The following TCTN1 variants were observed in gnomAD, a reference collection of about 807,000 sequenced individuals.
The protein encoded by TCTN1 is tectonic family member 1.
A neutral mutation model predicts 65.8 loss-of-function variants in TCTN1; 58 were observed. The ratio of observed to expected loss-of-function variants is 0.88; its 90% CI spans 0.71 to 1.10. The LOEUF (loss-of-function observed/expected upper bound fraction) is 1.10. Among genes scored for constraint, TCTN1 ranks in the 50% least tolerant of loss-of-function variants. TCTN1 has a pLI of 0.00. For synonymous variants in TCTN1, 273 were observed against 289.1 expected, an observed-to-expected ratio of 0.94 and a Z score of 0.57; for missense variants, 645 against 719.4, an observed-to-expected ratio of 0.90 and a Z score of 1.18.
intron 5 of TCTN1, among the ~76,000 whole-genome samples, chr12:110,633,986 T>C (rs1304370951): frequency 6.6e-6 from 1 of 152,192 alleles, no homozygotes; most frequent in Non-Finnish European, 1.5e-5. Flanking sequence ...TAAGTGTTCA[T>C]TAATAGGGAA....
At chr12:110,620,283 C>T (rs1260319740) in intron 2 of TCTN1, among the ~76,000 whole-genome samples, 1 of 152,054 alleles carries the variant, frequency 6.6e-6, no homozygotes, top group Non-Finnish European at 1.5e-5. Flanking sequence ...TGGCGGGCAC[C>T]TGTGGTCCCA....
At position 110,640,287 on chromosome 12, in the gene TCTN1, C is replaced by A; in HGVS notation, c.844-96C>A. On this transcript the variant is annotated intron_variant, in intron 7 of 14. Transcript: ENST00000397659. This position sits in a 1 kb window ranked among gnomAD's most constrained non-coding sequence, Gnocchi z 4.9. ...TGTAGCATGCTTCCCCCTACTTGGCCATATATCAGGGGAGGTTTCTTTCCA... is the reference window on the plus strand; with the variant it reads ...TGTAGCATGCTTCCCCCTACTTGGCAATATATCAGGGGAGGTTTCTTTCCA... 1 of 1,485,462 alleles carries A rather than the reference C, an allele frequency of 6.7e-7. No individual in the cohort carries two copies. Among genetic ancestry groups the A allele is most frequent in the Middle Eastern group, 1.7e-4 (1 of 5,850 alleles). The allele number at this position is 1,485,462 out of a possible 1,614,324, so 92.0% of individuals were successfully genotyped here. A position where few individuals can be genotyped will look rare whatever the true frequency, so the allele number is the denominator to read the frequency against.
intron 2 of TCTN1, among the ~76,000 whole-genome samples, chr12:110,621,053 C>A (rs1167804640): frequency 2.6e-5 from 4 of 152,184 alleles, no homozygotes; most frequent in Non-Finnish European, 5.9e-5. Flanking sequence ...GATCCGCCCT[C>A]CTTGGCCTCC....
Position 110,641,101 on chromosome 12 carries a change from C to A in TCTN1, c.1056C>A (p.Ser352Arg), listed in dbSNP as rs759988739. The change falls in exon 9 of 15, where the codon AGC (serine) becomes AGA (arginine). Residue 352 changes from serine to arginine, a missense_variant. By Grantham distance (110) the Ser-to-Arg change is moderately radical (BLOSUM62 -1). Coordinates refer to ENST00000397659, the MANE Select transcript of TCTN1 (RefSeq NM_001082538.3). ...TCTCATTCGTTCTGGGGACAGTTAG[C>A]AGCGTAGTGGTCCCACTGCAGCAAA... ...ADLSFVLGTVSSVVVPLQQKF... is the reference protein window; with the variant it reads ...ADLSFVLGTVRSVVVPLQQKF... 55 of 1,614,120 alleles carry A rather than the reference C, an allele frequency of 3.4e-5. No homozygotes were observed. The highest frequency in any genetic ancestry group is 4.3e-5 in the Non-Finnish European group (51 of 1,180,054).
chr12:110,638,654 C>T (rs1207607370), intron 7 of TCTN1, among the ~76,000 whole-genome samples: 3 of 152,314 alleles, frequency 2.0e-5, no homozygotes, highest in South Asian at 2.1e-4. Context: ...GAGACGAGGG[C>T]AGCTCCTGCC....
At chr12:110,634,362 T>C (rs1327298469) in intron 5 of TCTN1, 3 of 466,738 alleles carry the variant, frequency 6.4e-6, no homozygotes, top group African/African-American at 5.9e-5. Context: ...CTCATGAATG[T>C]ATTCTTTTTG....
chr12:110,632,361 T>C lies in TCTN1; in HGVS notation c.625-111T>C, dbSNP rs2066291101. 5.5e-6 allele frequency: 6 copies of C among 1,087,370 alleles called. No individual in the cohort carries two copies. The South Asian group carries it at 6.3e-5, about 11-fold the overall frequency. 67.4% of individuals were successfully genotyped at this position (1,087,370 alleles called of 1,614,324 possible). ...AAGGACCACATCTGTTTTTTGCTCA[T>C]CAGTGTGTCTCTGATGCCTGCAGTG... On this transcript the variant is annotated intron_variant, in intron 4 of 14. Coordinates refer to ENST00000397659, the MANE Select transcript of TCTN1 (RefSeq NM_001082538.3).
chr12:110,643,128 C>T (rs1244274457), intron 11 of TCTN1, among the ~76,000 whole-genome samples: 1 of 150,144 alleles, frequency 6.7e-6, no homozygotes, highest in East Asian at 2.0e-4. Context: ...ATGTTGAACT[C>T]CTGGGCTCAA....
Position 110,649,342 on chromosome 12 carries a change from G to A in TCTN1, c.*301G>A. On this transcript the variant is annotated 3_prime_UTR_variant, in exon 15 of 15. Coordinates refer to ENST00000397659, the MANE Select transcript of TCTN1 (RefSeq NM_001082538.3). Reference sequence around the variant, plus strand: ...CTCACCAAGCGGCCCAGGAGGGGCAGCTGTTCCTCTCGTGACAGCACAGGC... The same window carrying A: ...CTCACCAAGCGGCCCAGGAGGGGCAACTGTTCCTCTCGTGACAGCACAGGC... The A allele has an allele frequency of 3.8e-6, 5 of 1,313,788 alleles. No homozygotes were observed. In the South Asian group the frequency reaches 6.1e-5, roughly 16 times the overall value. The allele number at this position is 1,313,788 out of a possible 1,614,324, so 81.4% of individuals were successfully genotyped here.
At position 110,640,592 on chromosome 12, in the gene TCTN1, G is replaced by A. The variant is rs544968079; in HGVS notation, c.978+75G>A. Reference sequence around the variant, plus strand: ...TCTTGTTGCGCCGGGGTAACTGGACGCCCTCCGAGGACGCTCTGTCCCAGC... The same window carrying A: ...TCTTGTTGCGCCGGGGTAACTGGACACCCTCCGAGGACGCTCTGTCCCAGC... On this transcript the variant is annotated intron_variant, in intron 8 of 14. Transcript: ENST00000397659. The surrounding 1 kb of genome is among the most constrained non-coding windows in gnomAD (Gnocchi z 4.9). 6.9e-6 allele frequency: 11 copies of A among 1,605,278 alleles called. No individual in the cohort carries two copies. The highest frequency in any genetic ancestry group is 4.5e-5 in the East Asian group (2 of 44,826).
rs1487251611 is a variant in TCTN1, at chr12:110,628,598, C to T, written c.473-169C>T. 2.6e-5 allele frequency among the ~76,000 whole-genome samples: 4 copies of T among 152,188 alleles called. No homozygotes were observed. In the East Asian group the frequency reaches 7.7e-4, roughly 29 times the overall value. ...TCAGGCAGTCCGCCCGCCTTGGCCTCCCAAAGTGTTGAGATTACAGGCGTG... is the reference window on the plus strand; with the variant it reads ...TCAGGCAGTCCGCCCGCCTTGGCCTTCCAAAGTGTTGAGATTACAGGCGTG... On this transcript the variant is annotated intron_variant, in intron 3 of 14. Transcript: ENST00000397659.
intron 12 of TCTN1, chr12:110,646,342 C>T (rs919509597): frequency 1.3e-5 from 2 of 151,996 alleles, no homozygotes; most frequent in African/African-American, 2.4e-5. Flanking sequence ...TTCGCAGCCA[C>T]CAAATTTAGC....
At chr12:110,622,556 C>A (rs1434366802) in intron 2 of TCTN1, among the ~76,000 whole-genome samples, 1 of 152,074 alleles carries the variant, frequency 6.6e-6, no homozygotes, top group African/African-American at 2.4e-5. Context: ...CTGAAGGACA[C>A]GTGGAAGATG....
intron 5 of TCTN1, among the ~76,000 whole-genome samples, chr12:110,633,394 C>T (rs771611711): frequency 7.4e-4 from 113 of 152,208 alleles, no homozygotes; most frequent in Non-Finnish European, 1.4e-3. Flanking sequence ...GTAATCCCAG[C>T]ACTTTGGGAG....
chr12:110,647,056 C>A (rs890239649), intron 12 of TCTN1, 140 bp from the exon 13 acceptor site: 1 of 976,484 alleles, frequency 1.0e-6, no homozygotes, highest in African/African-American at 1.6e-5. Context: ...ATTCTCTAAG[C>A]TGTTTTTATC....
intron 10 of TCTN1, 126 bp from the exon 11 acceptor site, chr12:110,642,123 C>T (rs1468498787): frequency 1.5e-6 from 2 of 1,297,466 alleles, no homozygotes; most frequent in Non-Finnish European, 2.2e-6. Flanking sequence ...AAATAGCTGT[C>T]AAAATCCCAG....
chr12:110,641,354 T>TATGTAAA, intron 9 of TCTN1, among the ~76,000 whole-genome samples, 188 bp from the exon 10 acceptor site: 1 of 152,184 alleles, frequency 6.6e-6, no homozygotes, highest in African/African-American at 2.4e-5. Context: ...CCTTCCACAT[T>TATGTAAA]AGCTTGTTCT....
rs771495390 is a variant in TCTN1, at chr12:110,634,759, A to G, written c.802A>G (p.Ser268Gly). 7.5e-6 allele frequency: 12 copies of G among 1,610,638 alleles called. No individual in the cohort carries two copies. In the South Asian group the frequency reaches 1.2e-4, roughly 16 times the overall value. The change falls in exon 6 of 15, where the codon AGC (serine) becomes GGC (glycine). Residue 268 changes from serine (S) to glycine (G), a missense_variant. Ser to Gly is a moderately conservative substitution (Grantham distance 56, BLOSUM62 0). Transcript: ENST00000397659. Reference sequence around the variant, plus strand: ...TGAAGCCCTCAGCATGGCTTTTTACAGCAGCCCGGAAATTCTGAGGGTAAG... The same window carrying G: ...TGAAGCCCTCAGCATGGCTTTTTACGGCAGCCCGGAAATTCTGAGGGTAAG... ...EIEALSMAFY[S>G]SPEILRVPDS...
chr12:110,649,194 C>A lies in TCTN1; in HGVS notation c.*153C>A. On this transcript the variant is annotated 3_prime_UTR_variant, in exon 15 of 15. Coordinates refer to ENST00000397659, the MANE Select transcript of TCTN1 (RefSeq NM_001082538.3). ...GTGTTCAACATGAGAAAATGTGATA[C>A]ATTTGATACAGTGTGGGGTGGGAGT... 1 of 683,298 alleles carries A rather than the reference C, an allele frequency of 1.5e-6. No individual in the cohort carries two copies. Among genetic ancestry groups the A allele is most frequent in the Non-Finnish European group, 2.7e-6 (1 of 377,018 alleles). The allele number at this position is 683,298 out of a possible 1,614,324, so 42.3% of individuals were successfully genotyped here.
Sources: gnomAD v4.1 joint callset for allele counts (sites outside exome capture counted in the v4.1 genomes callset) on GRCh38, gnomAD v4.1.1 for gene constraint, Gnocchi (gnomAD v3.1) non-coding constraint, MANE v1.5 for transcripts, NCBI Gene and HGNC (gene_info 2026-07-23, HGNC 2026-07-21) for gene names.